Variants in ZNF536 observed in about 807,000 individuals in gnomAD.
ZNF536 encodes zinc finger protein 536.
Under a neutral mutation model 84.5 loss-of-function variants are expected in ZNF536, and 13 were observed. That is an observed-to-expected ratio of 0.15 (90% CI 0.10 to 0.24). The LOEUF (loss-of-function observed/expected upper bound fraction) is 0.24. ZNF536 is among the 10% of genes least tolerant of loss of function. The probability of loss-of-function intolerance (pLI) is 1.00; values close to 1 mark genes in which losing one functional copy is unlikely to be tolerated. For missense variants in ZNF536, 1,536 were observed against 1,747.5 expected (o/e 0.88, Z 2.16); for synonymous variants, 811 against 742.5 (o/e 1.09, Z -1.50).
chr19:30,471,631 TC>T (rs1259746614), intron 2 of ZNF536, among the ~76,000 whole-genome samples: 2 of 152,134 alleles, frequency 1.3e-5, no homozygotes, highest in Non-Finnish European at 2.9e-5. Context: ...CTGAGGAGGA[TC>T]CTAGGTACCC....
At chr19:30,439,992 G>A (rs1327145438) in intron 1 of ZNF536, among the ~76,000 whole-genome samples, 1 of 116,504 alleles carries the variant, frequency 8.6e-6, no homozygotes, top group Non-Finnish European at 1.6e-5. Context: ...ACAGAGTCTC[G>A]CTCTGTTGCC....
At chr19:30,230,822 T>C (rs2022980093) in intron 1 of ZNF536, among the ~76,000 whole-genome samples, 4 of 152,316 alleles carry the variant, frequency 2.6e-5, no homozygotes, top group South Asian at 4.1e-4. Context: ...AGCTTATCTC[T>C]GGCATCAGGA....
At chr19:30,462,123 T>A (rs1020942536) in intron 2 of ZNF536, among the ~76,000 whole-genome samples, 1 of 152,158 alleles carries the variant, frequency 6.6e-6, no homozygotes, top group Non-Finnish European at 1.5e-5. Flanking sequence ...CACAGAGGGC[T>A]GGAGCAAGCA....
intron 1 of ZNF536, among the ~76,000 whole-genome samples, chr19:30,641,932 A>G (rs925480738): frequency 4.6e-5 from 7 of 152,208 alleles, no homozygotes; most frequent in Admixed American, 6.5e-5. Context: ...TTGCAAAGCC[A>G]AGGATAATAG....
intron 2 of ZNF536, among the ~76,000 whole-genome samples, chr19:30,523,475 C>T (rs192216621): frequency 6.6e-6 from 1 of 152,014 alleles, no homozygotes; most frequent in Non-Finnish European, 1.5e-5. Flanking sequence ...TTGGTTTTGA[C>T]CTGGGGCTTT....
chr19:30,489,688 G>T (rs908880862), intron 2 of ZNF536, among the ~76,000 whole-genome samples: 1 of 152,046 alleles, frequency 6.6e-6, no homozygotes, highest in Non-Finnish European at 1.5e-5. Flanking sequence ...GTTTATATTC[G>T]AATAATACTT....
chr19:30,226,494 G>T (rs1324812644), upstream of ZNF536, among the ~76,000 whole-genome samples: 2 of 151,910 alleles, frequency 1.3e-5, no homozygotes. This position sits in a 1 kb window ranked among gnomAD's most constrained non-coding sequence, Gnocchi z 4.6. Flanking sequence ...GATTGCATCG[G>T]CCTCCTGTGC....
chr19:30,515,802 G>A (rs1320381643), intron 2 of ZNF536, among the ~76,000 whole-genome samples: 4 of 152,026 alleles, frequency 2.6e-5, no homozygotes, highest in Admixed American at 1.3e-4. Context: ...AAGGTGCACA[G>A]ATCACCCGAG....
intron 1 of ZNF536, among the ~76,000 whole-genome samples, chr19:30,263,516 G>A (rs533538939): frequency 2.6e-5 from 4 of 152,108 alleles, no homozygotes; most frequent in African/African-American, 4.8e-5. Flanking sequence ...GAGTGTGTGC[G>A]TGTCTGTGAA....
chr19:30,425,238 TG>T (rs771626452), intron 1 of ZNF536, among the ~76,000 whole-genome samples: 1 of 149,466 alleles, frequency 6.7e-6, no homozygotes, highest in Non-Finnish European at 1.5e-5. Context: ...AAAAACATGT[TG>T]GAAAAAAAAA....
At chr19:30,313,770 A>C (rs763168432) in intron 2 of ZNF536, among the ~76,000 whole-genome samples, 53 of 152,156 alleles carry the variant, frequency 3.5e-4, no homozygotes, top group Non-Finnish European at 6.0e-4. Flanking sequence ...CATCCTGAGT[A>C]CAGGTGGGTT....
intron 1 of ZNF536, among the ~76,000 whole-genome samples, chr19:30,567,147 A>G (rs558761044): frequency 2.0e-5 from 3 of 152,364 alleles, no homozygotes; most frequent in Non-Finnish European, 4.4e-5. Flanking sequence ...TGCGTCAAAA[A>G]TAAAGAAACC....
At chr19:30,283,517 G>A (rs1488758380) in intron 1 of ZNF536, among the ~76,000 whole-genome samples, 4 of 152,192 alleles carry the variant, frequency 2.6e-5, no homozygotes. Flanking sequence ...CGGGAGAGAG[G>A]ACGTTGATGC....
chr19:30,600,434 A>G (rs774828294), intron 1 of ZNF536, among the ~76,000 whole-genome samples: 1 of 152,134 alleles, frequency 6.6e-6, no homozygotes, highest in Non-Finnish European at 1.5e-5. Context: ...TACAACCAAA[A>G]CATGATCTTA....
At chr19:30,502,081 A>G (rs1326819989) in intron 2 of ZNF536, among the ~76,000 whole-genome samples, 2 of 152,236 alleles carry the variant, frequency 1.3e-5, no homozygotes, top group Admixed American at 6.5e-5. Flanking sequence ...ATTTCAGCCC[A>G]TGGACGAAGT....
intron 1 of ZNF536, among the ~76,000 whole-genome samples, chr19:30,435,527 T>C (rs754489072): frequency 2.6e-5 from 4 of 151,770 alleles, no homozygotes; most frequent in Non-Finnish European, 4.4e-5. Flanking sequence ...GTGATGATGA[T>C]GGTGATAGTG....
intron 1 of ZNF536, among the ~76,000 whole-genome samples, chr19:30,622,995 G>T (rs2048538239): frequency 6.8e-6 from 1 of 146,828 alleles, no homozygotes; most frequent in Non-Finnish European, 1.5e-5. Context: ...CTGTCCTTCT[G>T]GTTTTTTCCA....
At chr19:30,525,660 T>A (rs908912332) in intron 2 of ZNF536, among the ~76,000 whole-genome samples, 10 of 152,152 alleles carry the variant, frequency 6.6e-5, no homozygotes, top group African/African-American at 2.2e-4. Context: ...CTTCCAACAG[T>A]GCGATCAGAG....
At position 30,662,962 on chromosome 19, in the gene ZNF536, C is replaced by CTTTT. The variant is rs951081577; in HGVS notation, c.170-47774_170-47771dup. 1.8e-3 allele frequency among the ~76,000 whole-genome samples: 138 copies of CTTTT among 78,626 alleles called. 1 individual carries two copies. Among genetic ancestry groups the CTTTT allele is most frequent in the African/African-American group, 2.4e-3 (50 of 20,516 alleles). The allele number at this position is 78,626 out of a possible 152,430, so 51.6% of individuals were successfully genotyped here. On this transcript the variant is annotated intron_variant, in intron 1 of 1. Coordinates refer to the ZNF536 transcript ENST00000592773. ...CTTTCTTTCTTTTTCTTTTTCGTTT[C>CTTTT]TTTTTTTTTTTTTTTTTTTTTTTTA...
Sources: allele counts gnomAD v4.1 joint callset (sites outside exome capture counted in the v4.1 genomes callset), GRCh38; gene constraint gnomAD v4.1.1; non-coding constraint Gnocchi (gnomAD v3.1); transcripts MANE v1.5; gene names NCBI Gene and HGNC (gene_info 2026-07-23, HGNC 2026-07-21).